The following FMN2 variants were observed in gnomAD, a reference collection of about 807,000 sequenced individuals.
The protein encoded by FMN2 is formin 2.
A neutral mutation model predicts 142.3 loss-of-function variants in FMN2; 51 were observed. The observed-to-expected ratio is 0.36, with a 90% CI of 0.29 to 0.45. FMN2 has a LOEUF of 0.45. Ranked by LOEUF, FMN2 falls within the 20% of genes least tolerant of loss-of-function variation. The pLI, the probability that FMN2 is intolerant of heterozygous loss-of-function variation, is 1.00. For synonymous variants in FMN2, 882 were observed against 869.8 expected, an observed-to-expected ratio of 1.01 and a Z score of -0.25; for missense variants, 1,936 against 2,122.8, an observed-to-expected ratio of 0.91 and a Z score of 1.73.
At chr1:240,161,462 G>A (rs1664277644) in intron 2 of FMN2, among the ~76,000 whole-genome samples, 1 of 151,946 alleles carries the variant, frequency 6.6e-6, no homozygotes. Flanking sequence ...GAACCTGGGA[G>A]GCGGAACGTG....
intron 2 of FMN2, among the ~76,000 whole-genome samples, chr1:240,167,857 G>A (rs1368256874): frequency 6.6e-6 from 1 of 151,918 alleles, no homozygotes; most frequent in African/African-American, 2.4e-5. Flanking sequence ...CGAGTGGATC[G>A]CTTGAGGTCA....
At chr1:240,467,904 TA>T (rs1226085028) in intron 16 of FMN2, among the ~76,000 whole-genome samples, 1 of 152,260 alleles carries the variant, frequency 6.6e-6, no homozygotes, top group Admixed American at 6.5e-5. Context: ...ATCTAAAAGA[TA>T]ATGCTACATT....
intron 2 of FMN2, among the ~76,000 whole-genome samples, chr1:240,146,446 T>G (rs900123406): frequency 6.7e-6 from 1 of 149,556 alleles, no homozygotes; most frequent in Non-Finnish European, 1.5e-5. Flanking sequence ...CTCACACTTG[T>G]AATCCCAGCA....
chr1:240,474,001 T>A, intron 17 of FMN2, 127 bp from the exon 18 acceptor site: 1 of 734,924 alleles, frequency 1.4e-6, no homozygotes, highest in Non-Finnish European at 2.2e-6. Flanking sequence ...TATGGACTGG[T>A]AGACCTTTAA....
intron 5 of FMN2, 25 bp from the exon 6 acceptor site, chr1:240,211,066 T>C: frequency 6.3e-7 from 1 of 1,590,248 alleles, no homozygotes; most frequent in Non-Finnish European, 8.5e-7. Context: ...GATGGCTGTT[T>C]TATTGTTCTT....
At chr1:240,275,764 C>A (rs759177933) in intron 7 of FMN2, among the ~76,000 whole-genome samples, 2 of 152,138 alleles carry the variant, frequency 1.3e-5, no homozygotes, top group African/African-American at 2.4e-5. Flanking sequence ...TGTTTCCTGA[C>A]TTTTTAATGC....
chr1:240,316,850 A>G (rs1376027955), intron 8 of FMN2, among the ~76,000 whole-genome samples: 1 of 152,188 alleles, frequency 6.6e-6, no homozygotes, highest in Non-Finnish European at 1.5e-5. Flanking sequence ...ATAGTATAAC[A>G]TCAAAACCTG....
chr1:240,114,652 A>ATTTGTTTTTTTTTTTTTTTTTTT, intron 1 of FMN2, among the ~76,000 whole-genome samples: 1 of 137,778 alleles, frequency 7.3e-6, no homozygotes, highest in Non-Finnish European at 1.6e-5. Context: ...TAATTATATC[A>ATTTGTTTTTTTTTTTTTTTTTTT]TTTCTTTTTT....
chr1:240,454,497 G>T (rs979544663), intron 16 of FMN2, among the ~76,000 whole-genome samples: 1 of 152,086 alleles, frequency 6.6e-6, no homozygotes, highest in African/African-American at 2.4e-5. Flanking sequence ...AGCTGAGATC[G>T]CACCACTGCA....
chr1:240,440,978 C>T (rs1012331580), intron 16 of FMN2, among the ~76,000 whole-genome samples: 4 of 149,238 alleles, frequency 2.7e-5, no homozygotes, highest in African/African-American at 9.9e-5. Flanking sequence ...ACACCTATGC[C>T]CTGCTTTGGT....
chr1:240,237,822 T>G (rs950987101), intron 6 of FMN2, among the ~76,000 whole-genome samples: 3 of 152,174 alleles, frequency 2.0e-5, no homozygotes, highest in Admixed American at 2.0e-4. Flanking sequence ...ACATGCAGAA[T>G]TCTAGAGGAT....
chr1:240,175,995 G>A (rs1305444926), intron 2 of FMN2, among the ~76,000 whole-genome samples: 1 of 152,066 alleles, frequency 6.6e-6, no homozygotes, highest in Non-Finnish European at 1.5e-5. Context: ...CTCCCATTTT[G>A]TAGGTTGCCT....
chr1:240,172,215 C>CACACACAA (rs1553336373), intron 2 of FMN2, among the ~76,000 whole-genome samples: 5,352 of 152,094 alleles, frequency 0.035, 310 homozygotes, highest in African/African-American at 0.12. Context: ...CACACACACA[C>CACACACAA]ACAGAAAAAG....
chr1:240,352,953 A>T (rs564734960), intron 13 of FMN2, among the ~76,000 whole-genome samples: 1 of 152,280 alleles, frequency 6.6e-6, no homozygotes, highest in East Asian at 1.9e-4. Context: ...AATCCCAGTG[A>T]CAAAGGGCTC....
chr1:240,111,815 C>G (rs996967022), intron 1 of FMN2, among the ~76,000 whole-genome samples: 6 of 152,066 alleles, frequency 3.9e-5, no homozygotes, highest in Admixed American at 2.0e-4. Flanking sequence ...CCTCTGACAT[C>G]GGGATTGAGA....
At chr1:240,100,266 A>C (rs1031118830) in intron 1 of FMN2, among the ~76,000 whole-genome samples, 1 of 152,218 alleles carries the variant, frequency 6.6e-6, no homozygotes, top group African/African-American at 2.4e-5. Context: ...CCAAATATAA[A>C]TGTTATTGTA....
chr1:240,211,411 A>C (rs1231930594), intron 6 of FMN2, among the ~76,000 whole-genome samples, 176 bp downstream of exon 6: 1 of 152,254 alleles, frequency 6.6e-6, no homozygotes, highest in Non-Finnish European at 1.5e-5. Context: ...CAAATAGAAC[A>C]ACACATAATT....
intron 6 of FMN2, among the ~76,000 whole-genome samples, chr1:240,217,401 A>G (rs913931329): frequency 3.9e-5 from 6 of 152,206 alleles, no homozygotes; most frequent in African/African-American, 1.4e-4. Flanking sequence ...TTGGACAGTT[A>G]TATTTGTCTT....
intron 15 of FMN2, among the ~76,000 whole-genome samples, chr1:240,433,028 C>T (rs1380573543): frequency 6.6e-6 from 1 of 152,124 alleles, no homozygotes; most frequent in African/African-American, 2.4e-5. Context: ...ATATTTTAAT[C>T]TAGTTCTCTT....
Sources: gnomAD v4.1 joint callset for allele counts (sites outside exome capture counted in the v4.1 genomes callset) on GRCh38, gnomAD v4.1.1 for gene constraint, MANE v1.5 for transcripts, NCBI Gene and HGNC (gene_info 2026-07-23, HGNC 2026-07-21) for gene names.